OSCP1: variants seen among roughly 807,000 people sequenced by gnomAD.
OSCP1 encodes the protein protein OSCP1.
In OSCP1, 35 loss-of-function variants were observed where a neutral mutation model predicts 45.1. The ratio of observed to expected loss-of-function variants is 0.78; its 90% CI spans 0.59 to 1.03. The LOEUF (loss-of-function observed/expected upper bound fraction) is 1.03. Among genes scored for constraint, OSCP1 ranks in the 50% least tolerant of loss-of-function variants. OSCP1 has a pLI of 0.00. For missense variants in OSCP1, 400 were observed against 470.7 expected (o/e 0.85, Z 1.39); for synonymous variants, 179 against 180.1 (o/e 0.99, Z 0.05).
chr1:36,418,932 A>G (rs1340933120), intron 9 of OSCP1, 59 bp downstream of exon 9: 6 of 1,426,136 alleles, frequency 4.2e-6, no homozygotes, highest in Non-Finnish European at 4.9e-6. Flanking sequence ...GTCTCAAGAA[A>G]AAAAAAAAAA....
chr1:36,437,605 G>A (rs563976334), intron 2 of OSCP1, among the ~76,000 whole-genome samples: 9 of 152,020 alleles, frequency 5.9e-5, no homozygotes, highest in South Asian at 2.1e-4. Context: ...TGCAACCTCC[G>A]CCTCCTGGGT....
At position 36,418,118 on chromosome 1, in the gene OSCP1, G is replaced by C; in HGVS notation, c.*21C>G. Reference sequence around the variant, plus strand: ...ATCCAGCAGCCTCTCCCTGGGGGCAGAGGACGCCTGGTCAGAACAGCTATA... The same window carrying C: ...ATCCAGCAGCCTCTCCCTGGGGGCACAGGACGCCTGGTCAGAACAGCTATA... On this transcript the variant is annotated 3_prime_UTR_variant, in exon 10 of 10. Transcript: ENST00000235532. 1.2e-6 allele frequency: 2 copies of C among 1,608,784 alleles called. No individual in the cohort carries two copies.
At chr1:36,424,427 C>T (rs1302230184) in intron 4 of OSCP1, among the ~76,000 whole-genome samples, 1 of 152,206 alleles carries the variant, frequency 6.6e-6, no homozygotes, top group East Asian at 1.9e-4. Flanking sequence ...TCCCTGCCTA[C>T]TTTCCATGCA....
chr1:36,422,995 G>T, intron 5 of OSCP1, 99 bp from the exon 6 acceptor site: 1 of 922,258 alleles, frequency 1.1e-6, no homozygotes, highest in Non-Finnish European at 1.5e-6. Context: ...AGGAATACAT[G>T]CTCTCCTTCA....
At chr1:36,434,843 T>C (rs889686171) in intron 2 of OSCP1, among the ~76,000 whole-genome samples, 3 of 151,260 alleles carry the variant, frequency 2.0e-5, no homozygotes, top group Admixed American at 6.6e-5. Flanking sequence ...AGTACAATAC[T>C]GGAGATACAG....
chr1:36,422,699 CT>C, intron 6 of OSCP1, 68 bp downstream of exon 6: 2 of 1,248,234 alleles, frequency 1.6e-6, no homozygotes, highest in East Asian at 5.1e-5. Context: ...CTGGCTGTTT[CT>C]CTTTTTTTTT....
chr1:36,438,325 A>G lies in OSCP1; in HGVS notation c.267+431T>C, dbSNP rs1485410587. Among the ~76,000 whole-genome samples the G allele has an allele frequency of 4.0e-5, 6 of 150,822 alleles. No individual in the cohort carries two copies. In the South Asian group the frequency reaches 6.3e-4, roughly 16 times the overall value. ...AGAGCGAAACTCCATCTCAAAAAAA[A>G]AAAAAAAAAAAAAAAATTAGCCAGT... On this transcript the variant is annotated intron_variant, in intron 2 of 9. Coordinates refer to ENST00000235532, the MANE Select transcript of OSCP1 (RefSeq NM_145047.5).
chr1:36,443,832 T>A (rs917808413), intron 1 of OSCP1, among the ~76,000 whole-genome samples: 1 of 152,244 alleles, frequency 6.6e-6, no homozygotes, highest in African/African-American at 2.4e-5. Flanking sequence ...TTCTTCCTCT[T>A]AAGTAAAAGA....
intron 1 of OSCP1, among the ~76,000 whole-genome samples, chr1:36,448,652 A>G (rs551793399): frequency 6.6e-6 from 1 of 152,338 alleles, no homozygotes; most frequent in South Asian, 2.1e-4. Flanking sequence ...GGATTCCTGA[A>G]GGAGATGATT....
chr1:36,449,865 A>AAAAAAAAAAC, intron 1 of OSCP1, among the ~76,000 whole-genome samples: 1 of 148,228 alleles, frequency 6.7e-6, no homozygotes, highest in African/African-American at 2.5e-5. Flanking sequence ...AAAAAAAAAA[A>AAAAAAAAAAC]AAATCAGAAC....
chr1:36,438,917 A>G lies in OSCP1; in HGVS notation c.113-7T>C. On this transcript the variant is annotated splice_polypyrimidine_tract_variant and splice_region_variant and intron_variant, in intron 1 of 9. Transcript: ENST00000235532. ...GAGATGATGTCATTCAGAACTGCAG[A>G]GACAAGAGAGAACACAGCTGAGCAA... The G allele has an allele frequency of 6.2e-7, 1 of 1,612,980 alleles. No homozygotes were observed. Among genetic ancestry groups the G allele is most frequent in the Non-Finnish European group, 8.5e-7 (1 of 1,179,566 alleles).
At chr1:36,429,153 A>G (rs1407303035) in intron 4 of OSCP1, among the ~76,000 whole-genome samples, 1 of 152,130 alleles carries the variant, frequency 6.6e-6, no homozygotes, top group Non-Finnish European at 1.5e-5. Flanking sequence ...TGAGAGGCCA[A>G]GGCAGGCAGA....
chr1:36,439,025 G>A lies in OSCP1; in HGVS notation c.113-115C>T, dbSNP rs564184788. Reference sequence around the variant, plus strand: ...GTGTACAGTACAGAATTGGGATGCTGTATGCTTGGTGAGATCAGCTCCCTG... The same window carrying A: ...GTGTACAGTACAGAATTGGGATGCTATATGCTTGGTGAGATCAGCTCCCTG... On this transcript the variant is annotated intron_variant, in intron 1 of 9. Transcript: ENST00000235532. 77 of 1,181,126 alleles carry A rather than the reference G, an allele frequency of 6.5e-5. 1 individual carries two copies. The highest frequency in any genetic ancestry group is 5.8e-4 in the South Asian group (34 of 59,020). The allele number at this position is 1,181,126 out of a possible 1,614,324, so 73.2% of individuals were successfully genotyped here.
At chr1:36,424,467 T>A (rs1477895040) in intron 4 of OSCP1, among the ~76,000 whole-genome samples, 1 of 152,172 alleles carries the variant, frequency 6.6e-6, no homozygotes, top group Non-Finnish European at 1.5e-5. Flanking sequence ...AAGAACCTCA[T>A]ATGGCCACTT....
Position 36,423,465 on chromosome 1 carries a change from A to G in OSCP1, c.518T>C (p.Val173Ala). The G allele has an allele frequency of 1.9e-6, 3 of 1,599,018 alleles. No homozygotes were observed. The highest frequency in any genetic ancestry group is 1.7e-6 in the Non-Finnish European group (2 of 1,170,182). Reference sequence around the variant, plus strand: ...AACTTTGTCCTTTAGAAACATGGATACCTGGAAAAAAATACATTTATTGTC... The same window carrying G: ...AACTTTGTCCTTTAGAAACATGGATGCCTGGAAAAAAATACATTTATTGTC... ...LIFFQDLHIR[V>A]SMFLKDKVQN... is the part of the protein sequence containing the mutation. The change falls in exon 5 of 10, where the codon GTA becomes GCA. Residue 173 changes from valine (V) to alanine (A), a missense_variant and splice_region_variant. Coordinates refer to ENST00000235532, the MANE Select transcript of OSCP1 (RefSeq NM_145047.5).
rs1570562446 is a variant in OSCP1 at position 36,450,349 on chromosome 1, C to A, written c.21G>T (p.Pro7=). 1 of 1,613,844 alleles carries A rather than the reference C, an allele frequency of 6.2e-7. No homozygotes were observed. The highest frequency in any genetic ancestry group is 8.5e-7 in the Non-Finnish European group (1 of 1,179,894). Residue 7 remains proline (P), a synonymous_variant, in exon 1 of 10, where the codon CCG becomes CCT. Coordinates refer to ENST00000235532, the MANE Select transcript of OSCP1 (RefSeq NM_145047.5). The stretch of plus-strand genomic sequence containing the variant: ...CCCCGCCCAAGTTCAAGAAGAGCAG[C>A]GGTAGCGTCCGCACCGACATGGTGC... MSVRTL[P]LLFLNLGGEM...
chr1:36,432,591 T>C lies in OSCP1; in HGVS notation c.268-2A>G, dbSNP rs1463744903. 6.2e-7 allele frequency: 1 copy of C among 1,614,022 alleles called. No individual in the cohort carries two copies. Among genetic ancestry groups the C allele is most frequent in the African/African-American group, 1.3e-5 (1 of 74,910 alleles). On this transcript the variant is annotated splice_acceptor_variant, in intron 2 of 9. Transcript: ENST00000235532. LOFTEE classifies it high-confidence loss of function. ...AGCCATGGTCATCAGGTCATAGAGCTGCCAACCCACACACAAGCAAAAGAA... is the reference window on the plus strand; with the variant it reads ...AGCCATGGTCATCAGGTCATAGAGCCGCCAACCCACACACAAGCAAAAGAA...
chr1:36,435,096 T>C lies in OSCP1; in HGVS notation c.268-2507A>G, dbSNP rs539247791. ...TTTTCTTTTCTTTTCTTTTTCTTTT[T>C]TTTTTTTTTTTTTTTGACATGGGGG... is the stretch of plus-strand genomic sequence containing the variant. On this transcript the variant is annotated intron_variant, in intron 2 of 9. Coordinates refer to ENST00000235532, the MANE Select transcript of OSCP1 (RefSeq NM_145047.5). Among the ~76,000 whole-genome samples the C allele has an allele frequency of 1.0e-3, 119 of 118,110 alleles. 1 individual carries two copies. The highest frequency in any genetic ancestry group is 8.4e-3 in the East Asian group (22 of 2,608). The allele number at this position is 118,110 out of a possible 152,430, so 77.5% of individuals were successfully genotyped here. A position where few individuals can be genotyped will look rare whatever the true frequency, so the allele number is the denominator to read the frequency against.
intron 1 of OSCP1, among the ~76,000 whole-genome samples, chr1:36,443,799 G>A (rs916091172): frequency 2.0e-5 from 3 of 152,228 alleles, no homozygotes; most frequent in Non-Finnish European, 4.4e-5. Context: ...AGTTTGCTTA[G>A]TTTTCATCTT....
Sources: gnomAD v4.1 joint callset for allele counts (sites outside exome capture counted in the v4.1 genomes callset) on GRCh38, gnomAD v4.1.1 for gene constraint, MANE v1.5 for transcripts, NCBI Gene and HGNC (gene_info 2026-07-23, HGNC 2026-07-21) for gene names.